The following KCNH1 variants were observed in gnomAD, a reference collection of about 807,000 sequenced individuals.
The protein encoded by KCNH1 is voltage-gated delayed rectifier potassium channel KCNH1.
KCNH1 carries 27 observed loss-of-function variants against 69.2 expected under a neutral mutation model. That is an observed-to-expected ratio of 0.39 (90% CI 0.29 to 0.54). The LOEUF is 0.54. Among genes scored for constraint, KCNH1 ranks in the 20% least tolerant of loss-of-function variants. The probability of loss-of-function intolerance (pLI) is 0.68; values close to 1 mark genes in which losing one functional copy is unlikely to be tolerated. For synonymous variants in KCNH1, 456 were observed against 487.7 expected (o/e 0.93, Z 0.86); for missense variants, 798 against 1,261.6 (o/e 0.63, Z 5.57).
At chr1:210,691,388 A>T (rs1400623068) in intron 10 of KCNH1, among the ~76,000 whole-genome samples, 1 of 152,116 alleles carries the variant, frequency 6.6e-6, no homozygotes, top group Non-Finnish European at 1.5e-5. Flanking sequence ...GCCATCCTTA[A>T]TGAAACCCCA....
chr1:210,815,164 T>C (rs759120143), intron 7 of KCNH1, among the ~76,000 whole-genome samples: 12 of 152,304 alleles, frequency 7.9e-5, no homozygotes, highest in Non-Finnish European at 1.3e-4. Context: ...GAGAAATTTG[T>C]TCTTTTCAAA....
intron 10 of KCNH1, among the ~76,000 whole-genome samples, chr1:210,751,207 T>G (rs1011896820): frequency 1.3e-5 from 2 of 151,890 alleles, no homozygotes; most frequent in African/African-American, 4.8e-5. Context: ...GAGTTACAGT[T>G]TGGGCTGAGG....
At chr1:210,725,201 T>C (rs1213255555) in intron 10 of KCNH1, among the ~76,000 whole-genome samples, 5 of 152,174 alleles carry the variant, frequency 3.3e-5, no homozygotes, top group Non-Finnish European at 5.9e-5. Context: ...CCAATGCCCA[T>C]AGCCCGTAGC....
chr1:210,857,831 C>T (rs576454439), intron 7 of KCNH1, among the ~76,000 whole-genome samples: 2 of 152,244 alleles, frequency 1.3e-5, no homozygotes, highest in East Asian at 3.9e-4. Flanking sequence ...GGAAGCAAGC[C>T]AATCTCTCTA....
intron 7 of KCNH1, among the ~76,000 whole-genome samples, chr1:210,837,317 G>A (rs1267815774): frequency 6.6e-6 from 1 of 152,074 alleles, no homozygotes; most frequent in African/African-American, 2.4e-5. Context: ...CTCTATTGTA[G>A]TATTTGGCAC....
intron 7 of KCNH1, among the ~76,000 whole-genome samples, chr1:210,852,247 G>A (rs1685721988): frequency 6.6e-6 from 1 of 152,188 alleles, no homozygotes; most frequent in Admixed American, 6.5e-5. Flanking sequence ...AAGGCCCAGA[G>A]GGAAGGAGGG....
chr1:210,917,268 AAAG>A lies in KCNH1; in HGVS notation c.1462+2369_1462+2371del, dbSNP rs1558524855. ...GAAAGAAAGAAAGAAAGAAAGAAAGAAAGAAAGAAAGAAAAGAAAAGAAAGAGA... is the reference window on the plus strand; with the variant it reads ...GAAAGAAAGAAAGAAAGAAAGAAAGAAAAGAAAGAAAAGAAAAGAAAGAGA... On this transcript the variant is annotated intron_variant, in intron 7 of 10. Transcript: ENST00000271751. Among the ~76,000 whole-genome samples the A allele has an allele frequency of 3.3e-5, 5 of 150,158 alleles. No individual in the cohort carries two copies. The East Asian group carries it at 9.7e-4, about 29-fold the overall frequency.
chr1:210,997,268 A>C (rs1169919357), intron 6 of KCNH1, among the ~76,000 whole-genome samples: 3 of 152,306 alleles, frequency 2.0e-5, no homozygotes, highest in East Asian at 3.9e-4. Flanking sequence ...CTTTGAAAAA[A>C]AATTAGACGA....
In KCNH1 at chr1:210,919,566, G is replaced by A; in HGVS notation, c.1462+74C>T. The A allele has an allele frequency of 3.0e-6, 4 of 1,311,840 alleles. No individual in the cohort carries two copies. The South Asian group carries it at 5.2e-5, about 17-fold the overall frequency. The allele number at this position is 1,311,840 out of a possible 1,614,324, so 81.3% of individuals were successfully genotyped here. ...AAGTTATTATTCTCCTGATCCTGCT[G>A]GCACTGTAGCCATTTCCCTGTTTCC... On this transcript the variant is annotated intron_variant, in intron 7 of 10. Transcript: ENST00000271751. The surrounding 1 kb of genome is among the most constrained non-coding windows in gnomAD (Gnocchi z 4.2).
intron 5 of KCNH1, among the ~76,000 whole-genome samples, chr1:211,075,948 C>T (rs11119676): frequency 0.18 from 27,550 of 152,240 alleles, 3,087 homozygotes; most frequent in South Asian, 0.25. Flanking sequence ...CTGGCTCAGC[C>T]GATCCCAAGC....
At position 210,799,243 on chromosome 1, in the gene KCNH1, G is replaced by A. The variant is rs560635718; in HGVS notation, c.1663-1483C>T. On this transcript the variant is annotated intron_variant, in intron 8 of 10. Coordinates refer to ENST00000271751, the MANE Select transcript of KCNH1 (RefSeq NM_172362.3). ...AGTGCTATTATTATATCATTTTACAGATGAGAAAACTGAGACACAAGGAAG... is the reference window on the plus strand; with the variant it reads ...AGTGCTATTATTATATCATTTTACAAATGAGAAAACTGAGACACAAGGAAG... 7.9e-5 allele frequency among the ~76,000 whole-genome samples: 12 copies of A among 152,266 alleles called. No homozygotes were observed. The East Asian group carries it at 9.7e-4, about 12-fold the overall frequency.
rs532460897 is a variant in KCNH1 at position 210,860,363 on chromosome 1, T to C, written c.1463-56197A>G. 40 of 1,432,900 alleles carry C rather than the reference T, an allele frequency of 2.8e-5. No homozygotes were observed. The African/African-American group carries it at 5.2e-4, about 19-fold the overall frequency. The allele number at this position is 1,432,900 out of a possible 1,614,324, so 88.8% of individuals were successfully genotyped here. On this transcript the variant is annotated intron_variant, in intron 7 of 10. Transcript: ENST00000271751. ...ACATGCTGTTGTAAAACAGTACCAA[T>C]GACCTGTAAGCAGATTCCCTCAAGC...
intron 6 of KCNH1, among the ~76,000 whole-genome samples, chr1:210,982,124 T>A (rs1277076211): frequency 6.6e-6 from 1 of 152,138 alleles, no homozygotes; most frequent in East Asian, 1.9e-4. Flanking sequence ...CAATTGCTCC[T>A]GACTCTTGTC....
intron 5 of KCNH1, among the ~76,000 whole-genome samples, chr1:211,030,725 G>T (rs1214851690): frequency 6.6e-6 from 1 of 151,956 alleles, no homozygotes; most frequent in Non-Finnish European, 1.5e-5. Flanking sequence ...GACACCAAAA[G>T]CATAATCCAT....
intron 7 of KCNH1, among the ~76,000 whole-genome samples, chr1:210,901,957 A>G (rs1687004323): frequency 6.6e-6 from 1 of 152,182 alleles, no homozygotes; most frequent in East Asian, 1.9e-4. Flanking sequence ...GCTCTTCTGC[A>G]CAGCTTCATT....
At chr1:210,815,417 A>G (rs1471931741) in intron 7 of KCNH1, among the ~76,000 whole-genome samples, 2 of 152,192 alleles carry the variant, frequency 1.3e-5, no homozygotes, top group Non-Finnish European at 2.9e-5. Flanking sequence ...GAATGAGAGA[A>G]CCATCCCACA....
At chr1:210,788,514 G>C (rs1345038142) in intron 9 of KCNH1, among the ~76,000 whole-genome samples, 1 of 152,036 alleles carries the variant, frequency 6.6e-6, no homozygotes, top group Non-Finnish European at 1.5e-5. Context: ...CTAGCTGCCA[G>C]TGTCTTCGGG....
intron 7 of KCNH1, chr1:210,861,951 T>C: frequency 6.6e-6 from 5 of 758,098 alleles, no homozygotes; most frequent in South Asian, 2.9e-5. Flanking sequence ...GATGAATGCA[T>C]GTAGTAAGCT....
At chr1:211,127,372 A>AG (rs1270097998) in intron 1 of KCNH1, among the ~76,000 whole-genome samples, 1 of 150,050 alleles carries the variant, frequency 6.7e-6, no homozygotes, top group Non-Finnish European at 1.5e-5. Context: ...CTCTGTCCCC[A>AG]GGGTTTACTG....
Sources: gnomAD v4.1 joint callset for allele counts (sites outside exome capture counted in the v4.1 genomes callset) on GRCh38, gnomAD v4.1.1 for gene constraint, Gnocchi (gnomAD v3.1) non-coding constraint, MANE v1.5 for transcripts, NCBI Gene and HGNC (gene_info 2026-07-23, HGNC 2026-07-21) for gene names.